COL4A6: variants seen among roughly 807,000 people sequenced by gnomAD.
COL4A6 encodes the protein collagen alpha-6(IV) chain.
A neutral mutation model predicts 126.7 loss-of-function variants in COL4A6; 59 were observed. The ratio of observed to expected loss-of-function variants is 0.47; its 90% CI spans 0.38 to 0.58. COL4A6 has a LOEUF of 0.58. COL4A6 is among the 20% of genes least tolerant of loss of function. The pLI, the probability that COL4A6 is intolerant of heterozygous loss-of-function variation, is 0.00. For missense variants in COL4A6, 1,285 were observed against 1,337.3 expected (o/e 0.96, Z 0.61); for synonymous variants, 547 against 496.6 (o/e 1.10, Z -1.35).
Position 108,385,832 on chromosome X carries a change from A to T in COL4A6, c.63+52110T>A, listed in dbSNP as rs1462612660. Among the ~76,000 whole-genome samples, 6 of 109,594 alleles carry T rather than the reference A, an allele frequency of 5.5e-5. No homozygotes were observed. The Admixed American group carries it at 5.8e-4, about 11-fold the overall frequency. On this transcript the variant is annotated intron_variant, in intron 2 of 44. Coordinates refer to ENST00000334504, the MANE Select transcript of COL4A6 (RefSeq NM_033641.4). The stretch of plus-strand genomic sequence containing the variant: ...TGCTGCACCCATCAACCCCTCATCT[A>T]CATTAGGTATTTCTCCTAATGCTAT...
chrX:108,274,005 A>AAC (rs1437455682), intron 3 of COL4A6, among the ~76,000 whole-genome samples: 1 of 112,415 alleles, frequency 8.9e-6, no homozygotes, highest in Non-Finnish European at 1.9e-5. Context: ...AGCTTAAAAC[A>AAC]ACACAAATTT....
chrX:108,209,882 C>A, intron 8 of COL4A6, 87 bp downstream of exon 8: 1 of 1,039,927 alleles, frequency 9.6e-7, no homozygotes, highest in South Asian at 2.1e-5. Context: ...TCTACAAAGA[C>A]CTTAGAACAT....
intron 3 of COL4A6, among the ~76,000 whole-genome samples, chrX:108,292,653 T>C (rs1293306775): frequency 9.0e-6 from 1 of 111,086 alleles, no homozygotes; most frequent in Non-Finnish European, 1.9e-5. Flanking sequence ...GACATATCTA[T>C]AGGACAAAGT....
At chrX:108,174,135 G>C (rs2034400148) in intron 31 of COL4A6, among the ~76,000 whole-genome samples, 1 of 112,136 alleles carries the variant, frequency 8.9e-6, no homozygotes, top group Non-Finnish European at 1.9e-5. Flanking sequence ...CTGGGTGGGA[G>C]CTCAGGGACT....
chrX:108,203,015 CA>C (rs2035432132), intron 12 of COL4A6, 34 bp from the exon 13 acceptor site: 2 of 1,158,770 alleles, frequency 1.7e-6, no homozygotes, highest in Middle Eastern at 2.4e-4. Context: ...TAAGTAGCAT[CA>C]GGAAGCAGTG....
chrX:108,359,589 G>T (rs1041762965), intron 2 of COL4A6, among the ~76,000 whole-genome samples: 2 of 112,079 alleles, frequency 1.8e-5, no homozygotes, highest in Admixed American at 9.5e-5. Context: ...CTATTTAGCA[G>T]ATCTTTAATT....
chrX:108,210,385 A>T (rs1269275660), intron 7 of COL4A6, among the ~76,000 whole-genome samples: 1 of 112,090 alleles, frequency 8.9e-6, no homozygotes, highest in African/African-American at 3.2e-5. Context: ...ATCCCCAAAG[A>T]TTCTGTGCCC....
At chrX:108,353,615 A>G (rs1007587127) in intron 2 of COL4A6, among the ~76,000 whole-genome samples, 6 of 111,808 alleles carry the variant, frequency 5.4e-5, no homozygotes, top group African/African-American at 1.6e-4. Flanking sequence ...GGCATTCCAG[A>G]GGGAAGGAAC....
chrX:108,232,609 T>C (rs2036337610), intron 3 of COL4A6, among the ~76,000 whole-genome samples: 1 of 112,288 alleles, frequency 8.9e-6, no homozygotes, highest in South Asian at 3.7e-4. Context: ...CTTGAATTGA[T>C]GTCACCTTTG....
chrX:108,391,101 C>T (rs1179113770), intron 2 of COL4A6, among the ~76,000 whole-genome samples: 1 of 111,189 alleles, frequency 9.0e-6, no homozygotes, highest in Non-Finnish European at 1.9e-5. Flanking sequence ...CAAATGCCAT[C>T]CAGCGCTTTC....
intron 6 of COL4A6, among the ~76,000 whole-genome samples, chrX:108,212,692 T>G (rs757927546): frequency 9.0e-6 from 1 of 111,105 alleles, no homozygotes; most frequent in African/African-American, 3.3e-5. Flanking sequence ...CTGTTTCACT[T>G]TATTCTTGTG....
chrX:108,187,939 C>T lies in COL4A6; in HGVS notation c.1676G>A (p.Arg559Gln), dbSNP rs142508831. 7.8e-4 allele frequency: 946 copies of T among 1,207,819 alleles called. No homozygotes were observed. The highest frequency in any genetic ancestry group is 1.1e-3 in the Admixed American group (50 of 45,709). The part of the protein sequence containing the change: ...LSTIQGMPGD[R>Q]GDSGSQGFRG... ...GAAGCCCTGGGAGCCAGAATCACCC[C>T]GATCTCCTGGCATTCCTTGGATTGT... The change falls in exon 22 of 45, where the codon CGG (arginine) becomes CAG (glutamine). Residue 559 changes from arginine (R) to glutamine (Q), a missense_variant. Physicochemically the swap from Arg to Gln is conservative, Grantham distance 43. Transcript: ENST00000334504.
At chrX:108,373,225 AG>A (rs1239880363) in intron 2 of COL4A6, among the ~76,000 whole-genome samples, 1 of 111,428 alleles carries the variant, frequency 9.0e-6, no homozygotes, top group East Asian at 2.8e-4. Flanking sequence ...CAACATAGCA[AG>A]ACCCGATTCT....
intron 3 of COL4A6, among the ~76,000 whole-genome samples, chrX:108,295,245 G>A (rs147947610): frequency 1.0e-3 from 115 of 112,022 alleles, no homozygotes; most frequent in African/African-American, 3.4e-3. Context: ...AGGGGATGCT[G>A]GCAGCTGGGT....
chrX:108,191,375 G>A lies in COL4A6; in HGVS notation c.1321+18C>T, dbSNP rs745710486. 8.3e-7 allele frequency: 1 copy of A among 1,205,636 alleles called. No homozygotes were observed. The highest frequency in any genetic ancestry group is 1.1e-6 in the Non-Finnish European group (1 of 892,735). ...CACATCTGAATCTTGAGACCAAAAA[G>A]AGAAATGAGTAACTTACTAGGTGGG... On this transcript the variant is annotated intron_variant, in intron 19 of 44. Transcript: ENST00000334504.
At position 108,175,216 on chromosome X, in the gene COL4A6, C is replaced by T; in HGVS notation, c.2831-1G>A. The T allele has an allele frequency of 8.5e-7, 1 of 1,173,463 alleles. No individual in the cohort carries two copies. Among genetic ancestry groups the T allele is most frequent in the Non-Finnish European group, 1.1e-6 (1 of 878,602 alleles). ...ACTGGCCCCGGATTGCCTCTGTCTCCTGCAGGGATGGAGATCAGCATGAGA... is the reference window on the plus strand; with the variant it reads ...ACTGGCCCCGGATTGCCTCTGTCTCTTGCAGGGATGGAGATCAGCATGAGA... On this transcript the variant is annotated splice_acceptor_variant, in intron 29 of 44. Coordinates refer to ENST00000334504, the MANE Select transcript of COL4A6 (RefSeq NM_033641.4). LOFTEE classifies it high-confidence loss of function.
intron 2 of COL4A6, among the ~76,000 whole-genome samples, chrX:108,408,205 G>A (rs1002797196): frequency 1.2e-4 from 13 of 111,048 alleles, no homozygotes; most frequent in African/African-American, 3.9e-4. Context: ...CCGGCTACTC[G>A]GGAGGGAGGC....
chrX:108,349,635 T>C (rs753833791), intron 2 of COL4A6, among the ~76,000 whole-genome samples: 1 of 111,733 alleles, frequency 8.9e-6, no homozygotes, highest in African/African-American at 3.3e-5. Context: ...AATAAATGCT[T>C]GCTGTAATTA....
At chrX:108,328,447 G>T (rs1395065663) in intron 2 of COL4A6, among the ~76,000 whole-genome samples, 1 of 110,379 alleles carries the variant, frequency 9.1e-6, no homozygotes, top group Non-Finnish European at 1.9e-5. Context: ...GAGAGAGAGA[G>T]AAATGGAATA....
Sources: gnomAD v4.1 joint callset for allele counts (sites outside exome capture counted in the v4.1 genomes callset) on GRCh38, gnomAD v4.1.1 for gene constraint, MANE v1.5 for transcripts, NCBI Gene and HGNC (gene_info 2026-07-23, HGNC 2026-07-21) for gene names.